UBE3B: variants seen among roughly 807,000 people sequenced by gnomAD.
UBE3B encodes the protein ubiquitin protein ligase E3B, also known as ubiquitin-protein ligase E3B.
UBE3B carries 80 observed loss-of-function variants against 132.3 expected under a neutral mutation model. That is an observed-to-expected ratio of 0.60 (90% confidence interval 0.50 to 0.73). UBE3B has a LOEUF of 0.73. Ranked by LOEUF, UBE3B falls within the 30% of genes least tolerant of loss-of-function variation. The probability of loss-of-function intolerance (pLI) is 0.00; values close to 1 mark genes in which losing one functional copy is unlikely to be tolerated. For synonymous variants in UBE3B, 487 were observed against 520.4 expected (o/e 0.94, Z 0.87); for missense variants, 1,196 against 1,362.5 (o/e 0.88, Z 1.92).
Position 109,497,815 on chromosome 12 carries a change from T to A in UBE3B, c.714-3T>A. 3 of 1,614,164 alleles carry A rather than the reference T, an allele frequency of 1.9e-6. No individual in the cohort carries two copies. Among genetic ancestry groups the A allele is most frequent in the Non-Finnish European group, 1.7e-6 (2 of 1,180,026 alleles). Reference sequence around the variant, plus strand: ...CTGAATGAGTGGATCTATCTGTGTCTAGCCCTGTGATTGCTGCACAGTTCT... The same window carrying A: ...CTGAATGAGTGGATCTATCTGTGTCAAGCCCTGTGATTGCTGCACAGTTCT... On this transcript the variant is annotated splice_polypyrimidine_tract_variant and splice_region_variant and intron_variant, in intron 9 of 27. Transcript: ENST00000342494.
intron 9 of UBE3B, among the ~76,000 whole-genome samples, chr12:109,497,584 C>T (rs1566084970): frequency 6.6e-6 from 1 of 152,142 alleles, no homozygotes; most frequent in Non-Finnish European, 1.5e-5. Flanking sequence ...AGCATTCTCT[C>T]ATGTCAGTAA....
At chr12:109,511,088 C>A in intron 17 of UBE3B, 116 bp from the exon 18 acceptor site, 1 of 859,130 alleles carries the variant, frequency 1.2e-6, no homozygotes, top group Non-Finnish European at 1.9e-6. Flanking sequence ...TCCCATCAGA[C>A]TCTTGAGAAA....
chr12:109,483,732 T>TA lies in UBE3B; in HGVS notation c.161+21dup, dbSNP rs1875885903. ...TATCAGGTAAGGGCTAGGATCTCCCTAGCACATGATTCTCTGGCTCCCAAT... is the reference window on the plus strand; with the variant it reads ...TATCAGGTAAGGGCTAGGATCTCCCTAAGCACATGATTCTCTGGCTCCCAAT... On this transcript the variant is annotated intron_variant, in intron 3 of 27. Transcript: ENST00000342494. 1 of 1,578,584 alleles carries TA rather than the reference T, an allele frequency of 6.3e-7. No individual in the cohort carries two copies. Among genetic ancestry groups the TA allele is most frequent in the African/African-American group, 1.4e-5 (1 of 73,400 alleles).
chr12:109,479,196 A>T (rs1758106905), intron 1 of UBE3B, among the ~76,000 whole-genome samples: 1 of 152,100 alleles, frequency 6.6e-6, no homozygotes, highest in African/African-American at 2.4e-5. Flanking sequence ...CCAACCTCTT[A>T]TTTTCTAATC....
the UBE3B span, among the ~76,000 whole-genome samples, chr12:109,546,449 G>C: frequency 6.6e-6 from 1 of 152,178 alleles, no homozygotes; most frequent in Non-Finnish European, 1.5e-5. Context: ...AGCAGAATGG[G>C]AGCCAGGGCA....
At position 109,530,040 on chromosome 12, in the gene UBE3B, C is replaced by T. The variant is rs61733773; in HGVS notation, c.2778C>T (p.Gly926=). 2.7e-3 allele frequency: 4,375 copies of T among 1,613,598 alleles called. 115 individuals carry two copies. In the African/African-American group the frequency reaches 0.053, roughly 19 times the overall value. The part of the protein sequence containing the change: ...STPELQRLIS[G]DNAEIDLEDL... ...CTGAACTGCAGCGTCTCATCTCTGG[C>T]GACAATGCTGAGATTGATCTGGAAG... The change falls in exon 25 of 28, where the codon GGC becomes GGT. Residue 926 remains glycine (G), a synonymous_variant. Coordinates refer to ENST00000342494, the MANE Select transcript of UBE3B (RefSeq NM_130466.4).
At chr12:109,501,265 G>T in intron 12 of UBE3B, 106 bp from the exon 13 acceptor site, 1 of 1,389,880 alleles carries the variant, frequency 7.2e-7, no homozygotes, top group Non-Finnish European at 9.9e-7. Flanking sequence ...TGAGTGCCAG[G>T]TCCTAGCTAC....
chr12:109,516,525 G>A (rs1881079380), intron 18 of UBE3B, among the ~76,000 whole-genome samples: 1 of 152,050 alleles, frequency 6.6e-6, no homozygotes, highest in Non-Finnish European at 1.5e-5. Context: ...CCTAGCTGCA[G>A]CCAGACCACT....
chr12:109,547,638 T>C, the UBE3B span, among the ~76,000 whole-genome samples: 1 of 152,080 alleles, frequency 6.6e-6, no homozygotes, highest in African/African-American at 2.4e-5. The surrounding 1 kb of genome is among the most constrained non-coding windows in gnomAD (Gnocchi z 4.1). Flanking sequence ...ATCACAGAAA[T>C]AGCCCTGCTC....
intron 4 of UBE3B, among the ~76,000 whole-genome samples, chr12:109,485,046 C>T (rs147151278): frequency 1.3e-5 from 2 of 152,290 alleles, no homozygotes; most frequent in Non-Finnish European, 2.9e-5. Flanking sequence ...CGTGAGCTAC[C>T]ATCAATGTTC....
Position 109,521,138 on chromosome 12 carries a change from C to T in UBE3B, c.2077-10C>T, listed in dbSNP as rs1416013176. The T allele has an allele frequency of 3.1e-6, 5 of 1,613,616 alleles. No homozygotes were observed. Among genetic ancestry groups the T allele is most frequent in the Non-Finnish European group, 4.2e-6 (5 of 1,179,736 alleles). Reference sequence around the variant, plus strand: ...GGCTTCCTAATGGGCTGTAATTCTGCTCTTGGCAGGACGGCTACGAGCAGC... The same window carrying T: ...GGCTTCCTAATGGGCTGTAATTCTGTTCTTGGCAGGACGGCTACGAGCAGC... On this transcript the variant is annotated splice_polypyrimidine_tract_variant and intron_variant, in intron 19 of 27. Transcript: ENST00000342494. The surrounding 1 kb of genome is among the most constrained non-coding windows in gnomAD (Gnocchi z 4.2).
At chr12:109,503,259 A>T (rs938599043) in intron 14 of UBE3B, 69 bp downstream of exon 14, 2 of 1,563,964 alleles carry the variant, frequency 1.3e-6, no homozygotes, top group Admixed American at 2.0e-5. Flanking sequence ...GCAAAAGTCG[A>T]TGTTTTTTTC....
At position 109,497,825 on chromosome 12, in the gene UBE3B, A is replaced by T. The variant is rs1181285750; in HGVS notation, c.721A>T (p.Ile241Phe). 1 of 1,613,956 alleles carries T rather than the reference A, an allele frequency of 6.2e-7. No individual in the cohort carries two copies. Among genetic ancestry groups the T allele is most frequent in the Non-Finnish European group, 8.5e-7 (1 of 1,180,030 alleles). Residue 241 changes from isoleucine to phenylalanine, a missense_variant, in exon 10 of 28, where the codon ATT (isoleucine) becomes TTT (phenylalanine). Coordinates refer to ENST00000342494, the MANE Select transcript of UBE3B (RefSeq NM_130466.4). ...GGATCTATCTGTGTCTAGCCCTGTG[A>T]TTGCTGCACAGTTCTCAGACAATCT... ...AAFSLALRPV[I>F]AAQFSDNLIR...
chr12:109,510,251 G>A (rs1880192168), intron 16 of UBE3B, 93 bp from the exon 17 acceptor site: 2 of 994,192 alleles, frequency 2.0e-6, no homozygotes, highest in Admixed American at 4.6e-5. Flanking sequence ...GGAGATCAAG[G>A]ACTTGATGAC....
chr12:109,526,165 T>C (rs907425835), intron 23 of UBE3B, among the ~76,000 whole-genome samples, 193 bp from the exon 24 acceptor site: 1 of 152,136 alleles, frequency 6.6e-6, no homozygotes. Flanking sequence ...AAAAAAACCT[T>C]TTGTATTGAT....
Position 109,489,899 on chromosome 12 carries a change from T to A in UBE3B, c.545-20T>A. On this transcript the variant is annotated intron_variant, in intron 7 of 27. Coordinates refer to ENST00000342494, the MANE Select transcript of UBE3B (RefSeq NM_130466.4). Reference sequence around the variant, plus strand: ...ATTATGGCAAGAGACTTTTTTGTTCTCACTGTTTTCTTTCTTTAGGTGAAA... The same window carrying A: ...ATTATGGCAAGAGACTTTTTTGTTCACACTGTTTTCTTTCTTTAGGTGAAA... 1 of 1,612,118 alleles carries A rather than the reference T, an allele frequency of 6.2e-7. No homozygotes were observed. The highest frequency in any genetic ancestry group is 8.5e-7 in the Non-Finnish European group (1 of 1,178,196).
intron 9 of UBE3B, among the ~76,000 whole-genome samples, chr12:109,495,131 C>A (rs565232192): frequency 1.3e-5 from 2 of 152,310 alleles, no homozygotes; most frequent in African/African-American, 4.8e-5. Flanking sequence ...AGTTGGTTAG[C>A]CTCACCTAGA....
chr12:109,545,703 G>A, the UBE3B span, among the ~76,000 whole-genome samples: 11 of 152,180 alleles, frequency 7.2e-5, no homozygotes, highest in Non-Finnish European at 1.6e-4. Context: ...GGGCTGCTCT[G>A]TCCCTTATCT....
At chr12:109,503,958 C>T (rs1219148480) in intron 14 of UBE3B, among the ~76,000 whole-genome samples, 2 of 152,218 alleles carry the variant, frequency 1.3e-5, no homozygotes, top group Non-Finnish European at 2.9e-5. Flanking sequence ...TTGAGCACCC[C>T]TGTGTGCCAG....
Sources: allele counts gnomAD v4.1 joint callset (sites outside exome capture counted in the v4.1 genomes callset), GRCh38; gene constraint gnomAD v4.1.1; non-coding constraint Gnocchi (gnomAD v3.1); transcripts MANE v1.5; gene names NCBI Gene and HGNC (gene_info 2026-07-23, HGNC 2026-07-21).